LYST: variants seen among roughly 807,000 people sequenced by gnomAD.
LYST encodes the protein lysosomal trafficking regulator.
LYST carries 192 observed loss-of-function variants against 413.6 expected under a neutral mutation model. The observed-to-expected ratio is 0.46, with a 90% CI of 0.41 to 0.52. LYST has a LOEUF of 0.52. Among genes scored for constraint, LYST ranks in the 20% least tolerant of loss-of-function variants. The probability of loss-of-function intolerance (pLI) is 0.00; values close to 1 mark genes in which losing one functional copy is unlikely to be tolerated. For missense variants in LYST, 3,815 were observed against 4,499.9 expected, an observed-to-expected ratio of 0.85 and a Z score of 4.35; for synonymous variants, 1,525 against 1,567.3, an observed-to-expected ratio of 0.97 and a Z score of 0.64.
intron 1 of LYST, 95 bp from the exon 2 acceptor site, chr1:235,833,762 T>C (rs1179641366): frequency 5.9e-6 from 1 of 168,752 alleles, no homozygotes; most frequent in African/African-American, 2.4e-5. Flanking sequence ...ATACATGATG[T>C]ATGAAACCAC....
intron 46 of LYST, 56 bp from the exon 47 acceptor site, chr1:235,693,542 A>C (rs986702828): frequency 2.5e-6 from 4 of 1,605,828 alleles, no homozygotes; most frequent in Non-Finnish European, 3.4e-6. Context: ...CTGTTACATG[A>C]CAGCCCAAAA....
At chr1:235,728,009 T>C (rs369775104) in intron 38 of LYST, 67 bp downstream of exon 38, 10 of 1,109,520 alleles carry the variant, frequency 9.0e-6, no homozygotes, top group African/African-American at 3.1e-5. Context: ...TCTCTAGTTA[T>C]ACTGAATTGA....
At chr1:235,863,529 G>A (rs549718347) in intron 1 of LYST, among the ~76,000 whole-genome samples, 1 of 150,446 alleles carries the variant, frequency 6.6e-6, no homozygotes, top group South Asian at 2.1e-4. Context: ...TCAGATGAAG[G>A]TGTTCAAGTT....
At chr1:235,739,962 T>C (rs554498622) in intron 31 of LYST, among the ~76,000 whole-genome samples, 4 of 152,242 alleles carry the variant, frequency 2.6e-5, no homozygotes, top group African/African-American at 7.2e-5. Flanking sequence ...AAAGGGAAGA[T>C]GGTATGAGAA....
intron 3 of LYST, among the ~76,000 whole-genome samples, chr1:235,823,928 G>A (rs74148834): frequency 0.059 from 8,969 of 152,206 alleles, 891 homozygotes; most frequent in African/African-American, 0.2. Flanking sequence ...TTTCATCTCC[G>A]CATCTAGCAG....
intron 29 of LYST, among the ~76,000 whole-genome samples, chr1:235,745,944 T>C (rs1665880235): frequency 6.6e-6 from 1 of 152,150 alleles, no homozygotes; most frequent in African/African-American, 2.4e-5. Flanking sequence ...CTTGTGGTGC[T>C]GGAAATGCTG....
chr1:235,766,408 C>T (rs1267459731), intron 20 of LYST, 131 bp from the exon 21 acceptor site: 1 of 638,878 alleles, frequency 1.6e-6, no homozygotes, highest in African/African-American at 1.8e-5. Flanking sequence ...TCATACTTAC[C>T]ATTACCATAA....
chr1:235,813,202 T>C, intron 3 of LYST, 141 bp from the exon 4 acceptor site: 1 of 677,994 alleles, frequency 1.5e-6, no homozygotes. Flanking sequence ...TTAACCTATC[T>C]TCAATCCAGT....
chr1:235,802,987 A>G lies in LYST; in HGVS notation c.3633T>C (p.Ser1211=), dbSNP rs558819327. The G allele has an allele frequency of 6.2e-7, 1 of 1,613,522 alleles. No individual in the cohort carries two copies. The highest frequency in any genetic ancestry group is 8.5e-7 in the Non-Finnish European group (1 of 1,179,726). ...SEEAEDSQCC[S]FKLLVEEEGY... ...CTTCTTCTTCAACTAAAAGTTTAAAACTACAACACTGAGAATCCTCAGCTT... is the reference window on the plus strand; with the variant it reads ...CTTCTTCTTCAACTAAAAGTTTAAAGCTACAACACTGAGAATCCTCAGCTT... The change falls in exon 8 of 53, where the codon AGT becomes AGC. Residue 1211 remains serine, a synonymous_variant. Coordinates refer to ENST00000389793, the MANE Select transcript of LYST (RefSeq NM_000081.4).
At chr1:235,859,299 A>C (rs1393687646) in intron 1 of LYST, among the ~76,000 whole-genome samples, 2 of 151,954 alleles carry the variant, frequency 1.3e-5, no homozygotes, top group Non-Finnish European at 2.9e-5. Flanking sequence ...CTTCCTCTTC[A>C]ATGGTCCCTT....
chr1:235,770,452 C>T (rs149309260), intron 19 of LYST, among the ~76,000 whole-genome samples, 155 bp from the exon 20 acceptor site: 23 of 152,144 alleles, frequency 1.5e-4, no homozygotes, highest in African/African-American at 5.5e-4. Flanking sequence ...AAATTTATTC[C>T]CTATTATTTT....
In LYST at chr1:235,709,265, G is replaced by A. The variant is rs200610828; in HGVS notation, c.9969C>T (p.His3323=). ...TACGCGCCCAAGGGGGAAGGTTGAC[G>A]TGATTAACCCGTTCACCATTCTGAC... The part of the protein sequence containing the change: ...GVRQNGERVN[H]VNLPPWARND... Residue 3323 remains histidine, a synonymous_variant, in exon 44 of 53, where the codon CAC becomes CAT. Coordinates refer to ENST00000389793, the MANE Select transcript of LYST (RefSeq NM_000081.4). The A allele has an allele frequency of 1.6e-4, 252 of 1,613,952 alleles. No individual in the cohort carries two copies. The highest frequency in any genetic ancestry group is 1.9e-4 in the Non-Finnish European group (229 of 1,179,994).
At chr1:235,861,288 T>C (rs1679843226) in intron 1 of LYST, among the ~76,000 whole-genome samples, 1 of 152,202 alleles carries the variant, frequency 6.6e-6, no homozygotes, top group Non-Finnish European at 1.5e-5. Context: ...TTGATTAAGA[T>C]AATCAATTTT....
chr1:235,823,248 T>A (rs1157711181), intron 3 of LYST, among the ~76,000 whole-genome samples: 2 of 152,206 alleles, frequency 1.3e-5, no homozygotes, highest in African/African-American at 2.4e-5. Flanking sequence ...GTGATCACAC[T>A]CTCACTACTC....
intron 3 of LYST, among the ~76,000 whole-genome samples, chr1:235,825,317 C>T (rs1675208707): frequency 6.6e-6 from 1 of 152,192 alleles, no homozygotes; most frequent in African/African-American, 2.4e-5. Flanking sequence ...ACTTTCACTA[C>T]TTCCATCTGC....
chr1:235,777,590 TTAC>T (rs1457820069), intron 16 of LYST, among the ~76,000 whole-genome samples: 2 of 152,198 alleles, frequency 1.3e-5, no homozygotes, highest in Non-Finnish European at 2.9e-5. Context: ...AGTTATACTA[TTAC>T]TACTAATATC....
At chr1:235,835,372 G>T (rs1182797085) in intron 1 of LYST, among the ~76,000 whole-genome samples, 1 of 152,170 alleles carries the variant, frequency 6.6e-6, no homozygotes, top group Non-Finnish European at 1.5e-5. Flanking sequence ...ACAAGGTAGA[G>T]CCATCTATCT....
chr1:235,742,242 G>C (rs753848847), intron 30 of LYST, among the ~76,000 whole-genome samples: 5 of 152,100 alleles, frequency 3.3e-5, no homozygotes, highest in Admixed American at 6.6e-5. Context: ...ATCACCTGAG[G>C]TCAGGAGTTC....
chr1:235,705,593 T>A (rs1363311116), intron 44 of LYST, among the ~76,000 whole-genome samples: 1 of 152,024 alleles, frequency 6.6e-6, no homozygotes, highest in African/African-American at 2.4e-5. Flanking sequence ...ACCATGTTGC[T>A]CAGGCTGGTC....
Sources: gnomAD v4.1 joint callset for allele counts (sites outside exome capture counted in the v4.1 genomes callset) on GRCh38, gnomAD v4.1.1 for gene constraint, MANE v1.5 for transcripts, NCBI Gene and HGNC (gene_info 2026-07-23, HGNC 2026-07-21) for gene names.